The following CARM1 variants were observed in gnomAD, a reference collection of about 807,000 sequenced individuals.
The protein encoded by CARM1 is coactivator associated arginine methyltransferase 1, also known as histone-arginine methyltransferase CARM1.
In CARM1, 14 loss-of-function variants were observed where a neutral mutation model predicts 72.7. The observed-to-expected ratio is 0.19, with a 90% CI of 0.13 to 0.30. The LOEUF (loss-of-function observed/expected upper bound fraction) is 0.30, where lower values mean the gene tolerates loss of function less well. Among genes scored for constraint, CARM1 ranks in the 10% least tolerant of loss-of-function variants. The pLI, the probability that CARM1 is intolerant of heterozygous loss-of-function variation, is 1.00. For synonymous variants in CARM1, 333 were observed against 345.5 expected (o/e 0.96, Z 0.40); for missense variants, 432 against 833.7 (o/e 0.52, Z 5.93).
intron 1 of CARM1, among the ~76,000 whole-genome samples, chr19:10,876,444 C>G: frequency 6.6e-6 from 1 of 152,282 alleles, no homozygotes; most frequent in South Asian, 2.1e-4. Flanking sequence ...CTTGGCTCAC[C>G]GGCCATGGGA....
chr19:10,901,772 T>G (rs995837373), intron 1 of CARM1, among the ~76,000 whole-genome samples: 1 of 152,042 alleles, frequency 6.6e-6, no homozygotes, highest in African/African-American at 2.4e-5. Flanking sequence ...CAAAACCCCG[T>G]CTCTACCAAA....
At position 10,921,861 on chromosome 19, in the gene CARM1, C is replaced by A; in HGVS notation, c.*104C>A. The A allele has an allele frequency of 4.5e-6, 5 of 1,120,996 alleles. No homozygotes were observed. Among genetic ancestry groups the A allele is most frequent in the South Asian group, 1.6e-5 (1 of 63,832 alleles). 69.4% of individuals were successfully genotyped at this position (1,120,996 alleles called of 1,614,324 possible). ...CTTGTACTGGAGAAGCTCGAACACCCGGTCACAGCTCTCTTTGCTATGGGA... is the reference window on the plus strand; with the variant it reads ...CTTGTACTGGAGAAGCTCGAACACCAGGTCACAGCTCTCTTTGCTATGGGA... On this transcript the variant is annotated 3_prime_UTR_variant, in exon 16 of 16. Coordinates refer to ENST00000327064, the MANE Select transcript of CARM1 (RefSeq NM_199141.2).
chr19:10,905,942 C>CTTT lies in CARM1; in HGVS notation c.346+888_346+890dup, dbSNP rs35328638. 2.6e-3 allele frequency among the ~76,000 whole-genome samples: 267 copies of CTTT among 103,426 alleles called. 4 individuals are homozygous for CTTT. Among genetic ancestry groups the CTTT allele is most frequent in the African/African-American group, 8.2e-3 (211 of 25,772 alleles). The allele number at this position is 103,426 out of a possible 152,430, so 67.9% of individuals were successfully genotyped here. A position where few individuals can be genotyped will look rare whatever the true frequency, so the allele number is the denominator to read the frequency against. ...AGATGTGAGCCACCGTGCCCGGCCC[C>CTTT]TTTTTTTTTTTTTTTTTTTTTTTTG... On this transcript the variant is annotated intron_variant, in intron 2 of 15. Transcript: ENST00000327064.
intron 1 of CARM1, among the ~76,000 whole-genome samples, chr19:10,875,343 A>C (rs1292096047): frequency 2.6e-5 from 4 of 151,306 alleles, no homozygotes; most frequent in Non-Finnish European, 5.9e-5. Context: ...TTTTTTTTTT[A>C]AAGTGAGATG....
intron 1 of CARM1, among the ~76,000 whole-genome samples, chr19:10,894,281 G>T (rs11670160): frequency 2.6e-5 from 4 of 152,184 alleles, no homozygotes; most frequent in Non-Finnish European, 4.4e-5. Context: ...TGGCTCTCTG[G>T]TTCACCGCCA....
chr19:10,913,166 G>A (rs1453882634), intron 5 of CARM1, among the ~76,000 whole-genome samples: 1 of 151,892 alleles, frequency 6.6e-6, no homozygotes, highest in Non-Finnish European at 1.5e-5. Context: ...GTGCAGTGGT[G>A]CGATCCTGGC....
At chr19:10,873,543 C>G (rs780064315) in intron 1 of CARM1, among the ~76,000 whole-genome samples, 2 of 145,394 alleles carry the variant, frequency 1.4e-5, no homozygotes, top group African/African-American at 5.2e-5. Context: ...GAGCTGAGAT[C>G]GTGCCATTGC....
rs377412221 is a variant in CARM1, at chr19:10,916,383, C to T, written c.848-24C>T. 97 of 1,543,270 alleles carry T rather than the reference C, an allele frequency of 6.3e-5. No homozygotes were observed. The highest frequency in any genetic ancestry group is 8.1e-5 in the Non-Finnish European group (91 of 1,116,676). On this transcript the variant is annotated intron_variant, in intron 6 of 15. Transcript: ENST00000327064. This position sits in a 1 kb window ranked among gnomAD's most constrained non-coding sequence, Gnocchi z 4.4. ...TGTGGGATGTGTCACCTGACGCCAG[C>T]ACCCCTCCCTGCCCCACTCCCAGGA...
At position 10,922,958 on chromosome 19, in the gene CARM1, A is replaced by G. The variant is rs528397604; in HGVS notation, c.*1201A>G. 4.8e-6 allele frequency: 1 copy of G among 208,804 alleles called. No individual in the cohort carries two copies. 12.9% of individuals were successfully genotyped at this position (208,804 alleles called of 1,614,324 possible). ...AGGGAAAGCAGGTGGCCCGGGGGGGATATGGGGGCCCCAGCCCTGTCCCAA... is the reference window on the plus strand; with the variant it reads ...AGGGAAAGCAGGTGGCCCGGGGGGGGTATGGGGGCCCCAGCCCTGTCCCAA... On this transcript the variant is annotated 3_prime_UTR_variant, in exon 16 of 16. Coordinates refer to ENST00000327064, the MANE Select transcript of CARM1 (RefSeq NM_199141.2).
intron 8 of CARM1, among the ~76,000 whole-genome samples, chr19:10,917,195 A>G (rs1283768990): frequency 6.6e-6 from 1 of 152,210 alleles, no homozygotes; most frequent in African/African-American, 2.4e-5. Flanking sequence ...AAAAATCAAA[A>G]GGAAAAAAAA....
chr19:10,913,309 A>T (rs895461204), intron 5 of CARM1, among the ~76,000 whole-genome samples: 1 of 151,998 alleles, frequency 6.6e-6, no homozygotes, highest in Non-Finnish European at 1.5e-5. Context: ...CTGTAATCCC[A>T]GCACTTTGGG....
At chr19:10,886,446 T>C (rs920249384) in intron 1 of CARM1, among the ~76,000 whole-genome samples, 5 of 151,922 alleles carry the variant, frequency 3.3e-5, no homozygotes, top group African/African-American at 1.2e-4. Context: ...TCCTCCCACC[T>C]CGACCACCCA....
At chr19:10,903,799 G>A (rs144020721) in intron 1 of CARM1, among the ~76,000 whole-genome samples, 1 of 152,114 alleles carries the variant, frequency 6.6e-6, no homozygotes. Flanking sequence ...CAGTGGCACA[G>A]TCATGACTCA....
rs747237000 is a variant in CARM1, at chr19:10,920,003, C to T, written c.1196+37C>T. The T allele has an allele frequency of 6.5e-7, 1 of 1,533,730 alleles. No homozygotes were observed. Among genetic ancestry groups the T allele is most frequent in the African/African-American group, 1.4e-5 (1 of 73,450 alleles). ...AGAGCAGCCCATGCTGCCTCCTCCC[C>T]ACTCCCAGGGCTTCCTGCAGCTGCA... On this transcript the variant is annotated intron_variant, in intron 10 of 15. Transcript: ENST00000327064. The surrounding 1 kb of genome is among the most constrained non-coding windows in gnomAD (Gnocchi z 5.3).
chr19:10,872,852 A>C (rs1045961041), intron 1 of CARM1, among the ~76,000 whole-genome samples: 1 of 151,872 alleles, frequency 6.6e-6, no homozygotes. Context: ...GGCTTCTTGC[A>C]CTGATGCCCT....
intron 1 of CARM1, among the ~76,000 whole-genome samples, chr19:10,902,754 G>T (rs150196371): frequency 2.6e-5 from 4 of 151,890 alleles, no homozygotes; most frequent in African/African-American, 9.7e-5. Flanking sequence ...GACTACAGGC[G>T]CATGCCACTA....
At chr19:10,893,365 G>T (rs1390276986) in intron 1 of CARM1, among the ~76,000 whole-genome samples, 1 of 149,920 alleles carries the variant, frequency 6.7e-6, no homozygotes, top group Non-Finnish European at 1.5e-5. Flanking sequence ...TTGAGACAGA[G>T]TCTTACTCTC....
At position 10,904,959 on chromosome 19, in the gene CARM1, G is replaced by T; in HGVS notation, c.229G>T (p.Val77Leu). ...AGIALYSHED[V>L]CVFKCSVSRE... ...CCTGTCTTCTCTCGTAGATGAAGAT[G>T]TGTGTGTCTTTAAGTGCTCAGTGTC... Residue 77 changes from valine (V) to leucine (L), a missense_variant, in exon 2 of 16, where the codon GTG becomes TTG. Physicochemically the swap from Val to Leu is conservative, Grantham distance 32 (BLOSUM62 1). Around this residue, in one of 3 missense-constraint regions of CARM1, gnomAD observed 138 missense variants for 192.3 expected, o/e 0.72. Coordinates refer to ENST00000327064, the MANE Select transcript of CARM1 (RefSeq NM_199141.2). 6.2e-7 allele frequency: 1 copy of T among 1,614,230 alleles called. No homozygotes were observed. The highest frequency in any genetic ancestry group is 8.5e-7 in the Non-Finnish European group (1 of 1,180,028).
chr19:10,905,452 G>A (rs1364660678), intron 2 of CARM1, among the ~76,000 whole-genome samples: 2 of 152,186 alleles, frequency 1.3e-5, no homozygotes, highest in Admixed American at 6.5e-5. Flanking sequence ...TGCTCAGGGC[G>A]CAGAGAAGCC....
Sources: gnomAD v4.1 joint callset for allele counts (sites outside exome capture counted in the v4.1 genomes callset) on GRCh38, gnomAD v4.1.1 for gene constraint, gnomAD v4.1.1 regional missense constraint, Gnocchi (gnomAD v3.1) non-coding constraint, MANE v1.5 for transcripts, NCBI Gene and HGNC (gene_info 2026-07-23, HGNC 2026-07-21) for gene names.